The following LSM14A variants were observed in gnomAD, a reference collection of about 807,000 sequenced individuals.
LSM14A encodes LSM14A mRNA processing body assembly factor.
Under a neutral mutation model 52.4 loss-of-function variants are expected in LSM14A, and 14 were observed. That is an observed-to-expected ratio of 0.27 (90% confidence interval 0.18 to 0.42). The LOEUF is 0.42. Among genes scored for constraint, LSM14A ranks in the 10% least tolerant of loss-of-function variants. The pLI, the probability that LSM14A is intolerant of heterozygous loss-of-function variation, is 1.00. For synonymous variants in LSM14A, 185 were observed against 200.3 expected, an observed-to-expected ratio of 0.92 and a Z score of 0.64; for missense variants, 417 against 581.8, an observed-to-expected ratio of 0.72 and a Z score of 2.91.
intron 1 of LSM14A, among the ~76,000 whole-genome samples, chr19:34,187,823 A>T (rs1220229562): frequency 6.6e-6 from 1 of 152,144 alleles, no homozygotes; most frequent in Non-Finnish European, 1.5e-5. Flanking sequence ...TTTGAGCTTA[A>T]CTAAATCTGG....
chr19:34,202,948 C>T (rs1159224454), intron 3 of LSM14A, among the ~76,000 whole-genome samples: 5 of 152,176 alleles, frequency 3.3e-5, no homozygotes, highest in Admixed American at 1.3e-4. Flanking sequence ...TGAGCCACCG[C>T]GCCTGGCGGA....
At chr19:34,205,026 G>C (rs2071576883) in intron 3 of LSM14A, among the ~76,000 whole-genome samples, 1 of 152,164 alleles carries the variant, frequency 6.6e-6, no homozygotes, top group Non-Finnish European at 1.5e-5. Context: ...CAGCTATTTG[G>C]GAGGCGGAGG....
At chr19:34,181,394 GTTCA>G (rs2069472896) in intron 1 of LSM14A, among the ~76,000 whole-genome samples, 1 of 152,144 alleles carries the variant, frequency 6.6e-6, no homozygotes, top group South Asian at 2.1e-4. Context: ...CACCACTGGT[GTTCA>G]TTCATTTTTG....
chr19:34,211,035 G>A (rs1378855932), intron 4 of LSM14A, among the ~76,000 whole-genome samples: 1 of 151,824 alleles, frequency 6.6e-6, no homozygotes, highest in Non-Finnish European at 1.5e-5. Context: ...GGGCACGATG[G>A]CTCATGCCTG....
At chr19:34,174,957 C>A (rs969185673) in intron 1 of LSM14A, among the ~76,000 whole-genome samples, 1 of 152,040 alleles carries the variant, frequency 6.6e-6, no homozygotes, top group Non-Finnish European at 1.5e-5. Flanking sequence ...TTAAAAACTA[C>A]GAACATATCC....
At chr19:34,190,537 C>CA (rs555521021) in intron 1 of LSM14A, among the ~76,000 whole-genome samples, 294 of 126,980 alleles carry the variant, frequency 2.3e-3, no homozygotes, top group Middle Eastern at 4.2e-3. Context: ...ATCAACTAGC[C>CA]AAAAAAAAAA....
intron 1 of LSM14A, among the ~76,000 whole-genome samples, chr19:34,182,131 C>T (rs1207599411): frequency 6.6e-6 from 1 of 152,162 alleles, no homozygotes; most frequent in African/African-American, 2.4e-5. Flanking sequence ...TACTCAGATT[C>T]CTGTTTCTTG....
At position 34,186,272 on chromosome 19, in the gene LSM14A, C is replaced by T. The variant is rs146889664; in HGVS notation, c.122-8206C>T. Among the ~76,000 whole-genome samples the T allele has an allele frequency of 4.2e-3, 638 of 152,278 alleles. 2 individuals carry two copies. Among genetic ancestry groups the T allele is most frequent in the Non-Finnish European group, 6.0e-3 (405 of 68,020 alleles). ...CAGCCCAGGTGGAGTTGGGTGATGGCTAATTTTATGTGCCAACTTGACTGG... is the reference window on the plus strand; with the variant it reads ...CAGCCCAGGTGGAGTTGGGTGATGGTTAATTTTATGTGCCAACTTGACTGG... On this transcript the variant is annotated intron_variant, in intron 1 of 9. Coordinates refer to ENST00000544216, the MANE Select transcript of LSM14A (RefSeq NM_015578.4).
At chr19:34,212,878 A>G (rs2072273120) in intron 4 of LSM14A, among the ~76,000 whole-genome samples, 1 of 152,206 alleles carries the variant, frequency 6.6e-6, no homozygotes, top group Admixed American at 6.5e-5. Flanking sequence ...CTTGTGAGCC[A>G]TAGGATCTTT....
In LSM14A at chr19:34,215,677, T is replaced by C; in HGVS notation, c.781+16T>C. On this transcript the variant is annotated intron_variant, in intron 6 of 9. Transcript: ENST00000544216. ...AGACAAGTAGGTAAGTTCTTGGATC[T>C]AAAAGTCATATTCTATGCTTCTCAA... 1 of 1,551,098 alleles carries C rather than the reference T, an allele frequency of 6.4e-7. No homozygotes were observed. Among genetic ancestry groups the C allele is most frequent in the Non-Finnish European group, 8.9e-7 (1 of 1,123,664 alleles).
At chr19:34,193,263 A>AT (rs768998035) in intron 1 of LSM14A, among the ~76,000 whole-genome samples, 1 of 152,162 alleles carries the variant, frequency 6.6e-6, no homozygotes, top group Non-Finnish European at 1.5e-5. Context: ...AGCGATCCTC[A>AT]TACCTCAGCC....
At position 34,221,689 on chromosome 19, in the gene LSM14A, G is replaced by A. The variant is rs139456330; in HGVS notation, c.1319G>A (p.Gly440Glu). ...ACTGCCCCTCGAGGATTTCGCGGTG[G>A]ATTCAGAGGAGGTCGTGGGGGCCGG... ...TFTAPRGFRG[G>E]FRGGRGGREF... The change falls in exon 9 of 10, where the codon GGA (glycine) becomes GAA (glutamate). Residue 440 changes from glycine (G) to glutamate (E), a missense_variant. By Grantham distance (98) the Gly-to-Glu change is moderately conservative. Coordinates refer to ENST00000544216, the MANE Select transcript of LSM14A (RefSeq NM_015578.4). 5.6e-4 allele frequency: 905 copies of A among 1,614,010 alleles called. 1 individual carries two copies. The highest frequency in any genetic ancestry group is 7.3e-4 in the Non-Finnish European group (866 of 1,180,002).
At chr19:34,178,280 G>A (rs2069223991) in intron 1 of LSM14A, among the ~76,000 whole-genome samples, 1 of 152,156 alleles carries the variant, frequency 6.6e-6, no homozygotes, top group Non-Finnish European at 1.5e-5. Context: ...GCTGTGAAAT[G>A]GTCGATGTGC....
chr19:34,188,192 G>A (rs1240772038), intron 1 of LSM14A, among the ~76,000 whole-genome samples: 1 of 152,074 alleles, frequency 6.6e-6, no homozygotes, highest in African/African-American at 2.4e-5. Context: ...AGACTGAGGT[G>A]GGAGGATAGC....
chr19:34,190,048 A>G (rs566500277), intron 1 of LSM14A, among the ~76,000 whole-genome samples: 1 of 152,220 alleles, frequency 6.6e-6, no homozygotes, highest in Non-Finnish European at 1.5e-5. Flanking sequence ...TACTGATTGC[A>G]TATGAGCTAA....
intron 6 of LSM14A, among the ~76,000 whole-genome samples, chr19:34,216,618 C>T (rs978411553): frequency 6.6e-5 from 10 of 151,978 alleles, no homozygotes; most frequent in African/African-American, 2.4e-4. Flanking sequence ...TGCCACCATA[C>T]CCAGCTAATT....
In LSM14A at chr19:34,227,719, C is replaced by CTAAATTGTA. The variant is rs1233407284; in HGVS notation, c.*333_*341dup. On this transcript the variant is annotated 3_prime_UTR_variant, in exon 10 of 10. Coordinates refer to ENST00000544216, the MANE Select transcript of LSM14A (RefSeq NM_015578.4). ...ACTGAAAGGTTTTTTTTTTTTATCACTAAATTGTATTTGGCAATTGCAAGT... is the reference window on the plus strand; with the variant it reads ...ACTGAAAGGTTTTTTTTTTTTATCACTAAATTGTATAAATTGTATTTGGCAATTGCAAGT... 8 of 251,648 alleles carry CTAAATTGTA rather than the reference C, an allele frequency of 3.2e-5. No homozygotes were observed. The highest frequency in any genetic ancestry group is 5.6e-5 in the Admixed American group (1 of 17,736). 15.6% of individuals were successfully genotyped at this position (251,648 alleles called of 1,614,324 possible).
At chr19:34,172,824 G>C (rs2068796162) in intron 1 of LSM14A, 61 bp downstream of exon 1, 6 of 1,482,376 alleles carry the variant, frequency 4.0e-6, no homozygotes, top group Non-Finnish European at 4.5e-6. Flanking sequence ...GCTGCTCCCC[G>C]CTCCGGCCCG....
intron 1 of LSM14A, among the ~76,000 whole-genome samples, chr19:34,180,558 CCT>C (rs1223630432): frequency 6.6e-6 from 1 of 152,120 alleles, no homozygotes. Context: ...CCACGATCTC[CCT>C]CTCTGTCTAG....
Sources: gnomAD v4.1 joint callset for allele counts (sites outside exome capture counted in the v4.1 genomes callset) on GRCh38, gnomAD v4.1.1 for gene constraint, MANE v1.5 for transcripts, NCBI Gene and HGNC (gene_info 2026-07-23, HGNC 2026-07-21) for gene names.